The following SPPL2A variants were observed in gnomAD, a reference collection of about 807,000 sequenced individuals.
SPPL2A encodes signal peptide peptidase like 2A, also known as signal peptide peptidase-like 2A.
SPPL2A carries 51 observed loss-of-function variants against 63.8 expected under a neutral mutation model. The ratio of observed to expected loss-of-function variants is 0.80; its 90% CI spans 0.64 to 1.01. SPPL2A has a LOEUF of 1.01. Among genes scored for constraint, SPPL2A ranks in the 50% least tolerant of loss-of-function variants. The pLI is 0.00. For synonymous variants in SPPL2A, 188 were observed against 205.8 expected (o/e 0.91, Z 0.74); for missense variants, 553 against 622.7 (o/e 0.89, Z 1.19).
At chr15:50,739,156 G>A (rs1441981250) in intron 6 of SPPL2A, among the ~76,000 whole-genome samples, 1 of 141,346 alleles carries the variant, frequency 7.1e-6, no homozygotes, top group Non-Finnish European at 1.5e-5. Flanking sequence ...GTTCTTATCT[G>A]AAAACATAAC....
chr15:50,729,500 G>A (rs555798873), intron 10 of SPPL2A, among the ~76,000 whole-genome samples: 1 of 152,182 alleles, frequency 6.6e-6, no homozygotes, highest in Admixed American at 6.5e-5. Flanking sequence ...TGTCCCTGTA[G>A]TACCAGCTAT....
intron 1 of SPPL2A, among the ~76,000 whole-genome samples, chr15:50,753,878 T>C (rs536925656): frequency 3.3e-4 from 50 of 152,064 alleles, no homozygotes; most frequent in Non-Finnish European, 6.0e-4. Context: ...CTCACTGCAA[T>C]CTCCGCCTCC....
chr15:50,726,511 TAA>T (rs1010888082), intron 10 of SPPL2A, 134 bp from the exon 11 acceptor site: 18 of 787,904 alleles, frequency 2.3e-5, no homozygotes, highest in African/African-American at 3.5e-5. Flanking sequence ...GCTTTTTTCC[TAA>T]AGTCTTTGTA....
At chr15:50,762,200 T>G (rs1271752192) in intron 1 of SPPL2A, among the ~76,000 whole-genome samples, 2 of 151,852 alleles carry the variant, frequency 1.3e-5, no homozygotes, top group African/African-American at 2.4e-5. Context: ...AAACCCCATC[T>G]CTACTAAAAT....
At chr15:50,726,432 A>G in intron 10 of SPPL2A, 55 bp from the exon 11 acceptor site, 2 of 1,511,626 alleles carry the variant, frequency 1.3e-6, no homozygotes, top group South Asian at 2.3e-5. Context: ...ACAATCTGCC[A>G]CTATTCAAGT....
In SPPL2A at chr15:50,706,296, AG is replaced by A. The variant is rs2062508384; in HGVS notation, c.*1503del. Reference sequence around the variant, plus strand: ...TCCTAGCTACTTGGGAGGCTGAGGCAGGAGAATGGCGTGAACCCGGGAGGCG... The same window carrying A: ...TCCTAGCTACTTGGGAGGCTGAGGCAGAGAATGGCGTGAACCCGGGAGGCG... On this transcript the variant is annotated 3_prime_UTR_variant, in exon 15 of 15. Coordinates refer to ENST00000261854, the MANE Select transcript of SPPL2A (RefSeq NM_032802.4). 6.8e-6 allele frequency: 1 copy of A among 146,034 alleles called. No homozygotes were observed. Among genetic ancestry groups the A allele is most frequent in the Non-Finnish European group, 1.5e-5 (1 of 66,326 alleles). 9.0% of individuals were successfully genotyped at this position (146,034 alleles called of 1,614,324 possible).
intron 2 of SPPL2A, among the ~76,000 whole-genome samples, 189 bp downstream of exon 2, chr15:50,749,447 C>T (rs2062887972): frequency 6.6e-6 from 1 of 152,084 alleles, no homozygotes; most frequent in African/African-American, 2.4e-5. Flanking sequence ...GCCACCACAC[C>T]CAGCTAATTT....
rs2062892847 is a variant in SPPL2A, at chr15:50,749,832, G to T, written c.67-86C>A. 3.8e-6 allele frequency: 3 copies of T among 798,634 alleles called. No homozygotes were observed. The East Asian group carries it at 7.3e-5, about 20-fold the overall frequency. The allele number at this position is 798,634 out of a possible 1,614,324, so 49.5% of individuals were successfully genotyped here. On this transcript the variant is annotated intron_variant, in intron 1 of 14. Coordinates refer to ENST00000261854, the MANE Select transcript of SPPL2A (RefSeq NM_032802.4). ...TTTAATAAAGCTATTTATATGCAGG[G>T]TTGATCACATTTCCTTGAGAGGGAT... is the stretch of plus-strand genomic sequence containing the variant.
At chr15:50,747,461 T>A (rs770541347) in intron 5 of SPPL2A, 34 bp downstream of exon 5, 1 of 1,561,330 alleles carries the variant, frequency 6.4e-7, no homozygotes, top group Non-Finnish European at 8.7e-7. Flanking sequence ...TTTTAACCAT[T>A]TATTACAAAA....
intron 8 of SPPL2A, 58 bp downstream of exon 8, chr15:50,736,043 G>A: frequency 8.9e-7 from 1 of 1,117,786 alleles, no homozygotes; most frequent in Non-Finnish European, 1.3e-6. Flanking sequence ...TAAGTATCAG[G>A]GCAAGATAGG....
rs112895715 is a variant in SPPL2A at position 50,719,835 on chromosome 15, C to A, written c.1488+105G>T. 1.1e-3 allele frequency: 843 copies of A among 750,270 alleles called. 8 individuals carry two copies. The African/African-American group carries it at 0.013, about 12-fold the overall frequency. The allele number at this position is 750,270 out of a possible 1,614,324, so 46.5% of individuals were successfully genotyped here. ...CAGTGAGTAAGGGGGTATTACAGTA[C>A]TTTTTGGTACATAAAAGCTTTGCTA... On this transcript the variant is annotated intron_variant, in intron 14 of 14. Coordinates refer to ENST00000261854, the MANE Select transcript of SPPL2A (RefSeq NM_032802.4).
chr15:50,716,409 G>A (rs534349119), intron 14 of SPPL2A, among the ~76,000 whole-genome samples: 1 of 152,116 alleles, frequency 6.6e-6, no homozygotes, highest in Admixed American at 6.6e-5. Context: ...TGGCCAGGCT[G>A]GTCTCAAACT....
chr15:50,755,717 G>A (rs939345376), intron 1 of SPPL2A, among the ~76,000 whole-genome samples: 1 of 149,274 alleles, frequency 6.7e-6, no homozygotes, highest in African/African-American at 2.5e-5. Context: ...CAGAAGTTCT[G>A]ACCAATTTAT....
At chr15:50,747,439 G>A (rs1001361812) in intron 5 of SPPL2A, 56 bp downstream of exon 5, 2 of 1,435,740 alleles carry the variant, frequency 1.4e-6, no homozygotes, top group Non-Finnish European at 1.9e-6. Flanking sequence ...TAATTAAAAT[G>A]ATTGCAGAAA....
chr15:50,760,259 T>C (rs77820300), intron 1 of SPPL2A, among the ~76,000 whole-genome samples: 1 of 50,826 alleles, frequency 2.0e-5, no homozygotes, highest in Non-Finnish European at 3.7e-5. Flanking sequence ...CTCTGATGTC[T>C]TTTTTTTTTT....
chr15:50,749,021 ATTCCC>A, intron 2 of SPPL2A, 151 bp from the exon 3 acceptor site: 1 of 476,898 alleles, frequency 2.1e-6, no homozygotes, highest in Non-Finnish European at 3.6e-6. Flanking sequence ...GTATTTTAAA[ATTCCC>A]TATTTTCCCA....
chr15:50,757,589 T>A (rs1182718689), intron 1 of SPPL2A, among the ~76,000 whole-genome samples: 1 of 152,144 alleles, frequency 6.6e-6, no homozygotes, highest in Non-Finnish European at 1.5e-5. Context: ...CAGCATCTTA[T>A]TTGATCCTTA....
At chr15:50,708,008 G>A in intron 14 of SPPL2A, 134 bp from the exon 15 acceptor site, 1 of 631,604 alleles carries the variant, frequency 1.6e-6, no homozygotes, top group Non-Finnish European at 2.9e-6. Context: ...CTGGAGCACT[G>A]TTCTGGTTCA....
intron 4 of SPPL2A, 129 bp downstream of exon 4, chr15:50,747,984 A>G: frequency 2.1e-6 from 1 of 471,164 alleles, no homozygotes. Context: ...CCAAACAAAA[A>G]CTTGATAGGC....
Sources: allele counts gnomAD v4.1 joint callset (sites outside exome capture counted in the v4.1 genomes callset), GRCh38; gene constraint gnomAD v4.1.1; transcripts MANE v1.5; gene names NCBI Gene and HGNC (gene_info 2026-07-23, HGNC 2026-07-21).